The following DLGAP1 variants were observed in gnomAD, a reference collection of about 807,000 sequenced individuals.
The protein encoded by DLGAP1 is DLG associated protein 1, also known as disks large-associated protein 1.
Under a neutral mutation model 90.8 loss-of-function variants are expected in DLGAP1, and 11 were observed. That is an observed-to-expected ratio of 0.12 (90% CI 0.08 to 0.20). The LOEUF is 0.20. DLGAP1 is among the 10% of genes least tolerant of loss of function. The pLI is 1.00. For missense variants in DLGAP1, 1,050 were observed against 1,333.8 expected, an observed-to-expected ratio of 0.79 and a Z score of 3.31; for synonymous variants, 558 against 540.7, an observed-to-expected ratio of 1.03 and a Z score of -0.44.
intron 7 of DLGAP1, among the ~76,000 whole-genome samples, chr18:3,706,499 C>T (rs549133700): frequency 3.3e-5 from 5 of 152,146 alleles, no homozygotes; most frequent in East Asian, 3.9e-4. Context: ...CAACAGCTCC[C>T]GGGCAAAAAT....
At chr18:4,403,529 C>T (rs898195897) in intron 1 of DLGAP1, among the ~76,000 whole-genome samples, 9 of 152,156 alleles carry the variant, frequency 5.9e-5, no homozygotes, top group Non-Finnish European at 1.2e-4. Context: ...GCCATGCATG[C>T]TTTAAATTAC....
intron 1 of DLGAP1, among the ~76,000 whole-genome samples, chr18:4,437,184 C>T (rs1015847467): frequency 1.3e-5 from 2 of 152,154 alleles, no homozygotes; most frequent in African/African-American, 4.8e-5. Flanking sequence ...CTGACTGAAA[C>T]ATTGACAGAG....
At chr18:4,277,529 T>C (rs1444877259) in intron 1 of DLGAP1, among the ~76,000 whole-genome samples, 2 of 152,238 alleles carry the variant, frequency 1.3e-5, no homozygotes, top group Non-Finnish European at 2.9e-5. Context: ...AGGATGTCTG[T>C]GAGATTAGGA....
intron 9 of DLGAP1, among the ~76,000 whole-genome samples, chr18:3,547,189 T>A (rs1700504798): frequency 6.7e-6 from 1 of 150,180 alleles, no homozygotes; most frequent in Non-Finnish European, 1.5e-5. Flanking sequence ...TAGTCCCAGC[T>A]ACTCGGGAGG....
At chr18:3,512,116 C>T (rs1050219426) in intron 10 of DLGAP1, among the ~76,000 whole-genome samples, 1 of 151,790 alleles carries the variant, frequency 6.6e-6, no homozygotes, top group Non-Finnish European at 1.5e-5. Context: ...ACAGTTTTTG[C>T]CACCCATCTC....
intron 1 of DLGAP1, among the ~76,000 whole-genome samples, chr18:4,381,266 A>G (rs537324116): frequency 1.1e-3 from 162 of 152,304 alleles, no homozygotes; most frequent in African/African-American, 3.8e-3. Flanking sequence ...TGCATGATAC[A>G]TAGACAAATA....
chr18:3,514,479 A>G (rs1311927432), intron 10 of DLGAP1, among the ~76,000 whole-genome samples: 2 of 152,290 alleles, frequency 1.3e-5, no homozygotes, highest in African/African-American at 2.4e-5. Context: ...TAGATATGCT[A>G]CATAGAACTC....
At chr18:3,656,000 C>T in intron 7 of DLGAP1, 2 of 1,333,746 alleles carry the variant, frequency 1.5e-6, no homozygotes, top group Non-Finnish European at 2.0e-6. Flanking sequence ...TCAAACACCA[C>T]TGCCACAGAA....
intron 9 of DLGAP1, among the ~76,000 whole-genome samples, chr18:3,563,706 T>A (rs1419506588): frequency 6.6e-6 from 1 of 152,136 alleles, no homozygotes; most frequent in African/African-American, 2.4e-5. Context: ...TGAGCTCTGG[T>A]GATCCGCCCA....
intron 5 of DLGAP1, among the ~76,000 whole-genome samples, chr18:3,790,811 C>G (rs542314527): frequency 2.0e-5 from 3 of 152,146 alleles, no homozygotes; most frequent in African/African-American, 7.2e-5. Context: ...GTTTCCTTTG[C>G]AGGAGTCATT....
chr18:4,439,075 G>C (rs978001580), intron 1 of DLGAP1, among the ~76,000 whole-genome samples: 10 of 152,104 alleles, frequency 6.6e-5, no homozygotes, highest in African/African-American at 2.4e-4. Context: ...GCTGGTCCCC[G>C]CCCCAAAGGA....
intron 1 of DLGAP1, among the ~76,000 whole-genome samples, chr18:4,306,462 TGA>T (rs1228381727): frequency 5.7e-4 from 30 of 52,180 alleles, no homozygotes; most frequent in East Asian, 5.3e-3. Flanking sequence ...TGTGTGTGTG[TGA>T]GAGAGAGAGA....
rs547715095 is a variant in DLGAP1, at chr18:3,855,414, T to C, written c.957+23698A>G. On this transcript the variant is annotated intron_variant, in intron 4 of 12. Transcript: ENST00000315677. ...TTTGCCTATGTAATAAACCTGCACA[T>C]GTACCCCTTACCTAAAATAAAAGTA... Among the ~76,000 whole-genome samples the C allele has an allele frequency of 2.0e-5, 3 of 152,036 alleles. No individual in the cohort carries two copies. The South Asian group carries it at 6.2e-4, about 32-fold the overall frequency.
chr18:4,146,785 A>G (rs1019270688), intron 2 of DLGAP1, among the ~76,000 whole-genome samples: 1 of 152,222 alleles, frequency 6.6e-6, no homozygotes, highest in Admixed American at 6.5e-5. Flanking sequence ...ATGCTAATAT[A>G]TGATTACAGG....
At chr18:4,287,877 TAATA>T (rs1193779594) in intron 1 of DLGAP1, among the ~76,000 whole-genome samples, 20 of 150,912 alleles carry the variant, frequency 1.3e-4, no homozygotes, top group Non-Finnish European at 1.3e-4. Context: ...AAAAATAAAA[TAATA>T]AATAATTTTA....
chr18:4,274,188 C>T (rs2079355029), intron 1 of DLGAP1, among the ~76,000 whole-genome samples: 1 of 151,910 alleles, frequency 6.6e-6, no homozygotes, highest in Non-Finnish European at 1.5e-5. Flanking sequence ...TATCTGCATT[C>T]CATAAGTCTT....
chr18:4,111,876 T>C (rs1446901069), intron 2 of DLGAP1, among the ~76,000 whole-genome samples: 1 of 151,742 alleles, frequency 6.6e-6, no homozygotes, highest in Non-Finnish European at 1.5e-5. Flanking sequence ...GTTGATGTTT[T>C]CAAATAATAA....
At chr18:4,388,945 T>A (rs1406598628) in intron 1 of DLGAP1, among the ~76,000 whole-genome samples, 2 of 152,116 alleles carry the variant, frequency 1.3e-5, no homozygotes, top group East Asian at 3.9e-4. Flanking sequence ...TCTGAAAAAG[T>A]TTGGCAGTTC....
intron 3 of DLGAP1, among the ~76,000 whole-genome samples, chr18:3,991,386 T>C (rs555553503): frequency 6.6e-6 from 1 of 152,332 alleles, no homozygotes; most frequent in Admixed American, 6.5e-5. Context: ...TTAAGAGACA[T>C]GGTTGGTTCA....
Sources: gnomAD v4.1 joint callset for allele counts (sites outside exome capture counted in the v4.1 genomes callset) on GRCh38, gnomAD v4.1.1 for gene constraint, MANE v1.5 for transcripts, NCBI Gene and HGNC (gene_info 2026-07-23, HGNC 2026-07-21) for gene names.